The following MED25 variants were observed in gnomAD, a reference collection of about 807,000 sequenced individuals.
The protein encoded by MED25 is mediator of RNA polymerase II transcription subunit 25.
MED25 carries 62 observed loss-of-function variants against 89.4 expected under a neutral mutation model. The ratio of observed to expected loss-of-function variants is 0.69; its 90% CI spans 0.57 to 0.86. The LOEUF is 0.86. MED25 is among the 40% of genes least tolerant of loss of function. The probability of loss-of-function intolerance (pLI) is 0.00; values close to 1 mark genes in which losing one functional copy is unlikely to be tolerated. For synonymous variants in MED25, 449 were observed against 427.9 expected (o/e 1.05, Z -0.61); for missense variants, 905 against 1,005.2 (o/e 0.90, Z 1.35).
At position 49,831,711 on chromosome 19, in the gene MED25, G is replaced by A. The variant is rs1319321267; in HGVS notation, c.1231-225G>A. On this transcript the variant is annotated intron_variant, in intron 10 of 17. Coordinates refer to ENST00000312865, the MANE Select transcript of MED25 (RefSeq NM_030973.4). This position sits in a 1 kb window ranked among gnomAD's most constrained non-coding sequence, Gnocchi z 5.0. ...TTGGGGCCCAGAGAAGAGCCCAGGC[G>A]ATGTATCATCTGGGGCACAGTGGAT... Among the ~76,000 whole-genome samples the A allele has an allele frequency of 6.6e-6, 1 of 152,124 alleles. No homozygotes were observed. Among genetic ancestry groups the A allele is most frequent in the Non-Finnish European group, 1.5e-5 (1 of 68,012 alleles).
chr19:49,834,545 C>T lies in MED25; in HGVS notation c.1483-441C>T, dbSNP rs533654343. On this transcript the variant is annotated intron_variant, in intron 13 of 17. Transcript: ENST00000312865. The surrounding 1 kb of genome is among the most constrained non-coding windows in gnomAD (Gnocchi z 4.1). Reference sequence around the variant, plus strand: ...AGCACTCCCCGTGGTGTACACTGGCCGGTGCTGAGGGCTGGAGGATCTCTT... The same window carrying T: ...AGCACTCCCCGTGGTGTACACTGGCTGGTGCTGAGGGCTGGAGGATCTCTT... 4 of 272,708 alleles carry T rather than the reference C, an allele frequency of 1.5e-5. No homozygotes were observed. The highest frequency in any genetic ancestry group is 4.4e-5 in the African/African-American group (2 of 45,904). The allele number at this position is 272,708 out of a possible 1,614,324, so 16.9% of individuals were successfully genotyped here. A position where few individuals can be genotyped will look rare whatever the true frequency, so the allele number is the denominator to read the frequency against.
In MED25 at chr19:49,832,387, G is replaced by T. The variant is rs2074064750; in HGVS notation, c.1454G>T (p.Gly485Val). 1.9e-6 allele frequency: 3 copies of T among 1,608,910 alleles called. No homozygotes were observed. The highest frequency in any genetic ancestry group is 2.5e-6 in the Non-Finnish European group (3 of 1,176,598). ...AACAAGGACCTGGAGTCTCTCAAAGGCCTCTACCGCATCATGGGCAACGGC... is the reference window on the plus strand; with the variant it reads ...AACAAGGACCTGGAGTCTCTCAAAGTCCTCTACCGCATCATGGGCAACGGC... ...FTNKDLESLK[G>V]LYRIMGNGFA... The change falls in exon 13 of 18, where the codon GGC becomes GTC. Residue 485 changes from glycine (G) to valine (V), a missense_variant. Gly to Val is a moderately radical substitution (Grantham distance 109). Transcript: ENST00000312865.
In MED25 at chr19:49,831,971, G is replaced by A. The variant is rs1275347157; in HGVS notation, c.1266G>A (p.Lys422=). 10 of 1,614,088 alleles carry A rather than the reference G, an allele frequency of 6.2e-6. No homozygotes were observed. Among genetic ancestry groups the A allele is most frequent in the Non-Finnish European group, 6.8e-6 (8 of 1,180,022 alleles). ...CTGCCTCAGTGGATGCCAACACCAA[G>A]CTGACGCGGTCACTGCCCTGCCAGG... is the stretch of plus-strand genomic sequence containing the variant. The part of the protein sequence containing the change: ...PKPASVDANT[K]LTRSLPCQVY... Residue 422 remains lysine (K), a synonymous_variant, in exon 11 of 18, where the codon AAG becomes AAA. Coordinates refer to ENST00000312865, the MANE Select transcript of MED25 (RefSeq NM_030973.4). This position sits in a 1 kb window ranked among gnomAD's most constrained non-coding sequence, Gnocchi z 5.0.
chr19:49,820,255 T>A (rs992515913), intron 3 of MED25, among the ~76,000 whole-genome samples: 1 of 152,212 alleles, frequency 6.6e-6, no homozygotes, highest in African/African-American at 2.4e-5. Context: ...TTGACTTTTA[T>A]ACACACTTCA....
intron 3 of MED25, among the ~76,000 whole-genome samples, chr19:49,823,449 T>C (rs745925262): frequency 6.6e-6 from 1 of 152,140 alleles, no homozygotes; most frequent in Non-Finnish European, 1.5e-5. Context: ...GTGCCTGGCA[T>C]GTATTAAGTG....
At chr19:49,827,947 C>T (rs1167800699) in intron 3 of MED25, among the ~76,000 whole-genome samples, 9 of 152,056 alleles carry the variant, frequency 5.9e-5, no homozygotes, top group Admixed American at 3.9e-4. Context: ...CAACAAATGT[C>T]GGCCGGGTGT....
intron 3 of MED25, among the ~76,000 whole-genome samples, chr19:49,821,322 C>T (rs569160674): frequency 2.6e-5 from 4 of 152,298 alleles, no homozygotes; most frequent in South Asian, 4.1e-4. Flanking sequence ...CACTCTGTCA[C>T]GCAGGCTGGA....
At chr19:49,822,403 G>A (rs1568619605) in intron 3 of MED25, among the ~76,000 whole-genome samples, 2 of 151,934 alleles carry the variant, frequency 1.3e-5, no homozygotes, top group Admixed American at 1.3e-4. Context: ...CTGCGCTCCA[G>A]CTTGGGTGAC....
rs1380214930 is a variant in MED25 at position 49,831,943 on chromosome 19, A to G, written c.1238A>G (p.Lys413Arg). The part of the protein sequence containing the change: ...SGVLEWQEKP[K>R]PASVDANTKL... ...CTCTTTTTTCCCCCTCAGAAACCCA[A>G]ACCTGCCTCAGTGGATGCCAACACC... Residue 413 changes from lysine (K) to arginine (R), a missense_variant, in exon 11 of 18, where the codon AAA becomes AGA. Coordinates refer to ENST00000312865, the MANE Select transcript of MED25 (RefSeq NM_030973.4). The surrounding 1 kb of genome is among the most constrained non-coding windows in gnomAD (Gnocchi z 5.0). 1.9e-6 allele frequency: 3 copies of G among 1,614,072 alleles called. No homozygotes were observed. The highest frequency in any genetic ancestry group is 1.7e-6 in the Non-Finnish European group (2 of 1,179,966).
At chr19:49,821,705 TC>T (rs1467170680) in intron 3 of MED25, among the ~76,000 whole-genome samples, 1 of 150,618 alleles carries the variant, frequency 6.6e-6, no homozygotes, top group Non-Finnish European at 1.5e-5. Flanking sequence ...TAATCCCAGC[TC>T]TTGGGAGGCT....
Position 49,836,609 on chromosome 19 carries a change from C to T in MED25, c.2146+203C>T. On this transcript the variant is annotated intron_variant, in intron 17 of 17. Coordinates refer to ENST00000312865, the MANE Select transcript of MED25 (RefSeq NM_030973.4). This position sits in a 1 kb window ranked among gnomAD's most constrained non-coding sequence, Gnocchi z 5.1. Reference sequence around the variant, plus strand: ...GACCTAGTGGGTTAAGAGCGTTTCCCATGATCCTCCTGTGTGTGCTCCTGG... The same window carrying T: ...GACCTAGTGGGTTAAGAGCGTTTCCTATGATCCTCCTGTGTGTGCTCCTGG... 1 of 756,984 alleles carries T rather than the reference C, an allele frequency of 1.3e-6. No individual in the cohort carries two copies. Among genetic ancestry groups the T allele is most frequent in the East Asian group, 2.7e-5 (1 of 37,486 alleles). The allele number at this position is 756,984 out of a possible 1,614,324, so 46.9% of individuals were successfully genotyped here. A position where few individuals can be genotyped will look rare whatever the true frequency, so the allele number is the denominator to read the frequency against.
At chr19:49,832,844 C>T (rs1600328395) in intron 13 of MED25, 3 of 284,548 alleles carry the variant, frequency 1.1e-5, no homozygotes, top group South Asian at 1.0e-4. Flanking sequence ...GGAGGGAAGG[C>T]CTCTTCGTTG....
chr19:49,832,396 G>A lies in MED25; in HGVS notation c.1463G>A (p.Arg488His). Residue 488 changes from arginine (R) to histidine (H), a missense_variant, in exon 13 of 18, where the codon CGC (arginine) becomes CAC (histidine). Physicochemically the swap from Arg to His is conservative, Grantham distance 29 (BLOSUM62 0). Transcript: ENST00000312865. ...CTGGAGTCTCTCAAAGGCCTCTACCGCATCATGGGCAACGGCTTCGTGAGT... is the reference window on the plus strand; with the variant it reads ...CTGGAGTCTCTCAAAGGCCTCTACCACATCATGGGCAACGGCTTCGTGAGT... ...KDLESLKGLY[R>H]IMGNGFAGCV... 2.5e-6 allele frequency: 4 copies of A among 1,603,112 alleles called. No individual in the cohort carries two copies. The highest frequency in any genetic ancestry group is 1.3e-5 in the African/African-American group (1 of 74,772).
At chr19:49,818,849 C>T (rs2073959368) in intron 2 of MED25, 1 of 590,784 alleles carries the variant, frequency 1.7e-6, no homozygotes. Flanking sequence ...AGCTAGGGGC[C>T]CAGATCCCTG....
rs1339549722 is a variant in MED25, at chr19:49,836,921, G to A, written c.2221G>A (p.Asp741Asn). The change falls in exon 18 of 18, where the codon GAC (aspartate) becomes AAC (asparagine). Residue 741 changes from aspartate (D) to asparagine (N), a missense_variant. Transcript: ENST00000312865. The surrounding 1 kb of genome is among the most constrained non-coding windows in gnomAD (Gnocchi z 5.1). Reference protein sequence around the residue: ...PGLQPSVMEDDILMDLI With the variant: ...PGLQPSVMEDNILMDLI ...CCTGCAGCCCAGCGTCATGGAGGAC[G>A]ACATCCTCATGGATCTCATCTGAAT... 2.5e-6 allele frequency: 4 copies of A among 1,612,884 alleles called. No homozygotes were observed. Among genetic ancestry groups the A allele is most frequent in the Non-Finnish European group, 3.4e-6 (4 of 1,179,790 alleles).
rs559482732 is a variant in MED25 at position 49,835,075 on chromosome 19, C to T, written c.1572C>T (p.Gly524=). The T allele has an allele frequency of 1.2e-4, 191 of 1,614,118 alleles. No individual in the cohort carries two copies. The highest frequency in any genetic ancestry group is 5.1e-4 in the South Asian group (46 of 91,086). The change falls in exon 14 of 18, where the codon GGC becomes GGT. Residue 524 remains glycine (G), a synonymous_variant. Coordinates refer to ENST00000312865, the MANE Select transcript of MED25 (RefSeq NM_030973.4). This position sits in a 1 kb window ranked among gnomAD's most constrained non-coding sequence, Gnocchi z 6.2. The part of the protein sequence containing the change: ...LYSSKKKIFM[G]LIPYDQSGFV... ...CGTCCAAGAAGAAGATCTTCATGGG[C>T]CTCATCCCCTACGACCAGAGCGGCT...
rs1388230176 is a variant in MED25 at position 49,831,862 on chromosome 19, G to C, written c.1231-74G>C. ...AACATCCTGAGCTTTGGGGCTACCA[G>C]GGTAGGACATGAGGGCTCAAGGGGA... On this transcript the variant is annotated intron_variant, in intron 10 of 17. Transcript: ENST00000312865. The surrounding 1 kb of genome is among the most constrained non-coding windows in gnomAD (Gnocchi z 5.0). 14 of 1,365,072 alleles carry C rather than the reference G, an allele frequency of 1.0e-5. No homozygotes were observed. The highest frequency in any genetic ancestry group is 1.5e-5 in the Non-Finnish European group (14 of 954,614). 84.6% of individuals were successfully genotyped at this position (1,365,072 alleles called of 1,614,324 possible).
chr19:49,836,549 G>C lies in MED25; in HGVS notation c.2146+143G>C. On this transcript the variant is annotated intron_variant, in intron 17 of 17. Transcript: ENST00000312865. The surrounding 1 kb of genome is among the most constrained non-coding windows in gnomAD (Gnocchi z 5.1). ...TCCCCCATGGCCTTTGCGGAGCTCT[G>C]AGGGCTCCGGGAAAGTACAGCCCAT... 2 of 1,055,318 alleles carry C rather than the reference G, an allele frequency of 1.9e-6. No individual in the cohort carries two copies. Among genetic ancestry groups the C allele is most frequent in the Non-Finnish European group, 2.9e-6 (2 of 696,136 alleles). The allele number at this position is 1,055,318 out of a possible 1,614,324, so 65.4% of individuals were successfully genotyped here.
At chr19:49,828,851 G>T in intron 4 of MED25, 119 bp from the exon 5 acceptor site, 1 of 1,537,714 alleles carries the variant, frequency 6.5e-7, no homozygotes, top group Non-Finnish European at 8.8e-7. Flanking sequence ...TGTAAAGTAG[G>T]GGCGTTGCTT....
Sources: gnomAD v4.1 joint callset for allele counts (sites outside exome capture counted in the v4.1 genomes callset) on GRCh38, gnomAD v4.1.1 for gene constraint, Gnocchi (gnomAD v3.1) non-coding constraint, MANE v1.5 for transcripts, NCBI Gene and HGNC (gene_info 2026-07-23, HGNC 2026-07-21) for gene names.